Variants in FAM187A observed in about 807,000 individuals in gnomAD.
FAM187A encodes the protein Ig-like V-type domain-containing protein FAM187A.
In FAM187A, 4 loss-of-function variants were observed where a neutral mutation model predicts 6.4. The observed-to-expected ratio is 0.63, with a 90% CI of 0.31 to 1.44. The LOEUF (loss-of-function observed/expected upper bound fraction) is 1.44. Among genes scored for constraint, FAM187A ranks in the 40% most tolerant of loss-of-function variants. The pLI, the probability that FAM187A is intolerant of heterozygous loss-of-function variation, is 0.07. For missense variants in FAM187A, 463 were observed against 542.2 expected, an observed-to-expected ratio of 0.85 and a Z score of 1.45; for synonymous variants, 221 against 213.4, an observed-to-expected ratio of 1.04 and a Z score of -0.31.
chr17:44,905,054 C>T (rs2051633756), exon 4 of FAM187A: 2 of 1,543,026 alleles, frequency 1.3e-6, no homozygotes, highest in Non-Finnish European at 8.8e-7. Context: ...TCACTGTTGT[C>T]CCAGCTTCTC....
chr17:44,903,605 C>T (rs149641635), exon 4 of FAM187A: 6 of 1,405,000 alleles, frequency 4.3e-6, no homozygotes, highest in Non-Finnish European at 3.7e-6. Flanking sequence ...CTTTCCCCCC[C>T]CACCCTGAGA....
chr17:44,903,709 T>C, exon 4 of FAM187A: 2 of 1,441,298 alleles, frequency 1.4e-6, no homozygotes, highest in African/African-American at 1.4e-5. Context: ...TTGCTGCTTT[T>C]CCTGGCTGCA....
At position 44,904,426 on chromosome 17, in the gene FAM187A, C is replaced by T. The variant is rs1366770674; in HGVS notation, c.597C>T (p.Asp199=). Residue 199 remains aspartate (D), a synonymous_variant, in exon 4 of 4, where the codon GAC becomes GAT. Coordinates refer to ENST00000331733, the Ensembl canonical transcript of FAM187A. ...GCCTCTGCTACCTGCAGAGCCCAGA[C>T]CTCTCCCCACGCTACCTCAAGGCCG... The T allele has an allele frequency of 7.8e-6, 12 of 1,541,852 alleles. No individual in the cohort carries two copies. The East Asian group carries it at 1.7e-4, about 22-fold the overall frequency.
exon 4 of FAM187A, chr17:44,905,154 G>T: frequency 1.8e-6 from 2 of 1,085,338 alleles, no homozygotes; most frequent in Non-Finnish European, 2.6e-6. Context: ...GGTACCCTGG[G>T]TTGGGACAGG....
chr17:44,903,725 C>G, exon 4 of FAM187A: 1 of 1,447,050 alleles, frequency 6.9e-7, no homozygotes. Flanking sequence ...CTGCATAATC[C>G]TTTCCTCATC....
At chr17:44,904,912 T>A in exon 4 of FAM187A, 1 of 1,550,592 alleles carries the variant, frequency 6.4e-7, no homozygotes, top group Non-Finnish European at 8.7e-7. Flanking sequence ...GTGTGACATC[T>A]CATGGGCACT....
At chr17:44,903,559 T>C in exon 4 of FAM187A, 2 of 1,376,856 alleles carry the variant, frequency 1.5e-6, no homozygotes, top group Non-Finnish European at 1.9e-6. Context: ...GCGCCAGTGT[T>C]CTAGAAAGGG....
rs1206812742 is a variant in FAM187A, at chr17:44,904,858, C to G, written c.1029C>G (p.Tyr343Ter). ...CCCAGCTGGATGACCGGGGCATCTACTATTGCTGGAGGCAGGGTGTGCTAG... is the reference window on the plus strand; with the variant it reads ...CCCAGCTGGATGACCGGGGCATCTAGTATTGCTGGAGGCAGGGTGTGCTAG... The change falls in exon 4 of 4, where the codon TAC (tyrosine) becomes TAG (stop). Residue 343 changes from tyrosine to a stop codon, truncating the protein, a stop_gained. Coordinates refer to ENST00000331733, the Ensembl canonical transcript of FAM187A. LOFTEE classifies it low-confidence loss of function (END_TRUNC). 6.4e-7 allele frequency: 1 copy of G among 1,550,564 alleles called. No individual in the cohort carries two copies. Among genetic ancestry groups the G allele is most frequent in the African/African-American group, 1.4e-5 (1 of 73,056 alleles).
chr17:44,903,660 A>G, exon 4 of FAM187A: 1 of 1,433,876 alleles, frequency 7.0e-7, no homozygotes, highest in African/African-American at 1.4e-5. Context: ...TCCACTGGGA[A>G]TAAATTGCCT....
exon 4 of FAM187A, chr17:44,905,133 G>A (rs1597850377): frequency 7.6e-7 from 1 of 1,315,932 alleles, no homozygotes; most frequent in East Asian, 2.5e-5. Context: ...GATACCAGAT[G>A]TCTCTGGGTG....
At chr17:44,904,048 C>T (rs981931668) in exon 4 of FAM187A, 76 of 1,550,546 alleles carry the variant, frequency 4.9e-5, no homozygotes, top group African/African-American at 6.8e-5. Flanking sequence ...ACCTAGGTAG[C>T]AGCCACACCA....
At position 44,904,456 on chromosome 17, in the gene FAM187A, C is replaced by T. The variant is rs190234618; in HGVS notation, c.627C>T (p.Pro209=). Reference sequence around the variant, plus strand: ...CCCCACGCTACCTCAAGGCCGTGCCCGATGTGGTGTCTTGTGGCTCAAGGG... The same window carrying T: ...CCCCACGCTACCTCAAGGCCGTGCCTGATGTGGTGTCTTGTGGCTCAAGGG... The change falls in exon 4 of 4, where the codon CCC becomes CCT. Residue 209 remains proline (P), a synonymous_variant. Transcript: ENST00000331733. 923 of 1,543,780 alleles carry T rather than the reference C, an allele frequency of 6.0e-4. 1 individual carries two copies. The highest frequency in any genetic ancestry group is 7.6e-4 in the Non-Finnish European group (865 of 1,142,218).
exon 4 of FAM187A, chr17:44,904,400 G>A (rs567170574): frequency 4.5e-6 from 7 of 1,542,180 alleles, no homozygotes; most frequent in East Asian, 4.9e-5. Context: ...GTGGCGCATC[G>A]GCCTCTGCTA....
exon 4 of FAM187A, chr17:44,905,364 G>A (rs939278385): frequency 2.5e-6 from 1 of 405,234 alleles, no homozygotes; most frequent in African/African-American, 2.0e-5. Flanking sequence ...TTATCCAGTG[G>A]TAAACACTGA....
chr17:44,903,925 CCCTGCTTT>C lies in FAM187A; in HGVS notation c.101_108del (p.Ala34AspfsTer3). Reference sequence around the variant, plus strand: ...AAAACATTTTTCAGAGGACCCCCTGCCCTGCTTTCCTGATGTTTGAAAATGCAGCCTAC... The same window carrying C: ...AAAACATTTTTCAGAGGACCCCCTGCCCTGATGTTTGAAAATGCAGCCTAC... On this transcript the variant is annotated frameshift_variant, in exon 4 of 4. Transcript: ENST00000331733. LOFTEE classifies it high-confidence loss of function. The C allele has an allele frequency of 6.4e-7, 1 of 1,550,602 alleles. No homozygotes were observed. The highest frequency in any genetic ancestry group is 8.7e-7 in the Non-Finnish European group (1 of 1,147,006).
At chr17:44,903,809 T>C in exon 4 of FAM187A, 1 of 1,542,204 alleles carries the variant, frequency 6.5e-7, no homozygotes, top group Non-Finnish European at 8.8e-7. Context: ...CCTGCCCCTC[T>C]GACCCCTGCC....
exon 4 of FAM187A, chr17:44,904,472 G>A: frequency 6.5e-7 from 1 of 1,545,926 alleles, no homozygotes; most frequent in African/African-American, 1.4e-5. Context: ...GGTGTCTTGT[G>A]GCTCAAGGGC....
chr17:44,905,213 T>A, exon 4 of FAM187A: 1 of 673,936 alleles, frequency 1.5e-6, no homozygotes, highest in Non-Finnish European at 2.6e-6. Flanking sequence ...CCCATTTTCA[T>A]GGGCAGGTCT....
Position 44,904,208 on chromosome 17 carries a change from A to C in FAM187A, c.379A>C (p.Thr127Pro), listed in dbSNP as rs561955166. The C allele has an allele frequency of 1.9e-6, 3 of 1,550,506 alleles. No homozygotes were observed. In the African/African-American group the frequency reaches 4.1e-5, roughly 21 times the overall value. The stretch of plus-strand genomic sequence containing the variant: ...GGACTCAGGCCTGTACTTCTGCGGC[A>C]CCCGCAAGGGGGACTACTTTTACGC... The change falls in exon 4 of 4, where the codon ACC becomes CCC. Residue 127 changes from threonine to proline, a missense_variant. By Grantham distance (38) the Thr-to-Pro change is conservative. Coordinates refer to ENST00000331733, the Ensembl canonical transcript of FAM187A.
Sources: gnomAD v4.1 joint callset for allele counts on GRCh38, gnomAD v4.1.1 for gene constraint, MANE v1.5 for transcripts, NCBI Gene and HGNC (gene_info 2026-07-23, HGNC 2026-07-21) for gene names.